The following ATRNL1 variants were observed in gnomAD, a reference collection of about 807,000 sequenced individuals.
The protein encoded by ATRNL1 is attractin like 1.
In ATRNL1, 95 loss-of-function variants were observed where a neutral mutation model predicts 182.7. The ratio of observed to expected loss-of-function variants is 0.52; its 90% CI spans 0.44 to 0.62. The LOEUF (loss-of-function observed/expected upper bound fraction) is 0.62, where lower values mean the gene tolerates loss of function less well. Ranked by LOEUF, ATRNL1 falls within the 20% of genes least tolerant of loss-of-function variation. The pLI is 0.00. For synonymous variants in ATRNL1, 576 were observed against 568.3 expected (o/e 1.01, Z -0.19); for missense variants, 1,471 against 1,679.5 (o/e 0.88, Z 2.17).
At chr10:115,880,770 G>A (rs913711244) in intron 28 of ATRNL1, among the ~76,000 whole-genome samples, 2 of 152,198 alleles carry the variant, frequency 1.3e-5, no homozygotes, top group African/African-American at 4.8e-5. Flanking sequence ...AGTCTTTTGT[G>A]CATGTACGAG....
intron 27 of ATRNL1, among the ~76,000 whole-genome samples, chr10:115,749,635 C>T (rs1040243938): frequency 6.6e-6 from 1 of 151,806 alleles, no homozygotes; most frequent in Non-Finnish European, 1.5e-5. Flanking sequence ...AGCTCTCATG[C>T]ATTCTTTTTG....
At position 115,884,677 on chromosome 10, in the gene ATRNL1, G is replaced by A. The variant is rs559555189; in HGVS notation, c.4018+36686G>A. Among the ~76,000 whole-genome samples the A allele has an allele frequency of 1.2e-4, 19 of 152,276 alleles. No homozygotes were observed. In the South Asian group the frequency reaches 2.9e-3, roughly 23 times the overall value. ...CATATTTAAATGCAAAAAAACTGCC[G>A]AAGAGAGGTTCTATTTGATGGACTT... is the stretch of plus-strand genomic sequence containing the variant. On this transcript the variant is annotated intron_variant, in intron 28 of 28. Coordinates refer to ENST00000355044, the MANE Select transcript of ATRNL1 (RefSeq NM_207303.4).
intron 27 of ATRNL1, among the ~76,000 whole-genome samples, chr10:115,746,212 A>G (rs1948287912): frequency 6.6e-6 from 1 of 152,128 alleles, no homozygotes; most frequent in South Asian, 2.1e-4. Flanking sequence ...AGCAAATCCC[A>G]GGCATCAAAG....
At chr10:115,369,491 A>C (rs1013930128) in intron 19 of ATRNL1, among the ~76,000 whole-genome samples, 2 of 152,086 alleles carry the variant, frequency 1.3e-5, no homozygotes, top group Non-Finnish European at 2.9e-5. Flanking sequence ...ATTTAAGTTG[A>C]TTTTGTATCT....
At chr10:115,466,537 A>C (rs1332261921) in intron 22 of ATRNL1, among the ~76,000 whole-genome samples, 1 of 151,170 alleles carries the variant, frequency 6.6e-6, no homozygotes. Flanking sequence ...ATTTCCCTGA[A>C]ATTAAATGTA....
At chr10:115,922,566 A>G (rs1953098230) in intron 28 of ATRNL1, among the ~76,000 whole-genome samples, 1 of 152,102 alleles carries the variant, frequency 6.6e-6, no homozygotes, top group East Asian at 1.9e-4. Flanking sequence ...TCTGGGCTCA[A>G]GTGATCCTCT....
In ATRNL1 at chr10:115,519,340, G is replaced by C; in HGVS notation, c.3716+16G>C. On this transcript the variant is annotated intron_variant, in intron 25 of 28. Coordinates refer to ENST00000355044, the MANE Select transcript of ATRNL1 (RefSeq NM_207303.4). ...CCTTCTTCAGGTAAAAGTTTGCTTT[G>C]ACTGACTTTGAACTTTTCAAGCCTG... The C allele has an allele frequency of 6.2e-7, 1 of 1,604,506 alleles. No individual in the cohort carries two copies. Among genetic ancestry groups the C allele is most frequent in the African/African-American group, 1.3e-5 (1 of 74,662 alleles).
chr10:115,698,431 G>T (rs1459991782), intron 26 of ATRNL1, among the ~76,000 whole-genome samples: 5 of 152,072 alleles, frequency 3.3e-5, no homozygotes, highest in African/African-American at 1.2e-4. Flanking sequence ...TTAACATGTG[G>T]CATACTGATA....
intron 28 of ATRNL1, among the ~76,000 whole-genome samples, chr10:115,899,930 T>G (rs1314409154): frequency 1.3e-5 from 2 of 152,180 alleles, no homozygotes; most frequent in African/African-American, 2.4e-5. Flanking sequence ...TCATAAAAAC[T>G]TGATTATAGA....
At chr10:115,695,127 TAAAAGAAAAGAAAA>T (rs1304892685) in intron 26 of ATRNL1, among the ~76,000 whole-genome samples, 1 of 151,988 alleles carries the variant, frequency 6.6e-6, no homozygotes. Context: ...ACACATTTTT[TAAAAGAAAAGAAAA>T]AAAAGAAAAA....
At chr10:115,383,929 T>C (rs1858180163) in intron 19 of ATRNL1, among the ~76,000 whole-genome samples, 1 of 152,020 alleles carries the variant, frequency 6.6e-6, no homozygotes, top group African/African-American at 2.4e-5. Flanking sequence ...TTTAAGTAAT[T>C]GCACTTGAGC....
chr10:115,827,788 C>T (rs914404952), intron 27 of ATRNL1, among the ~76,000 whole-genome samples: 9 of 152,130 alleles, frequency 5.9e-5, no homozygotes, highest in African/African-American at 2.2e-4. Flanking sequence ...CACAAGGGAG[C>T]TTTCCTGGAC....
intron 13 of ATRNL1, among the ~76,000 whole-genome samples, chr10:115,278,062 A>T (rs1852183955): frequency 6.6e-6 from 1 of 152,100 alleles, no homozygotes; most frequent in African/African-American, 2.4e-5. Flanking sequence ...TTTACCTTTT[A>T]CTACTTTTCA....
At position 115,674,302 on chromosome 10, in the gene ATRNL1, C is replaced by T. The variant is rs548352820; in HGVS notation, c.3796-52946C>T. 1.6e-3 allele frequency among the ~76,000 whole-genome samples: 240 copies of T among 152,040 alleles called. 1 individual carries two copies. Among genetic ancestry groups the T allele is most frequent in the Non-Finnish European group, 2.1e-3 (144 of 67,950 alleles). ...TGAATAAACATGACATTTCTGATGTCGGAGCTTTAGATAGCCTAGATCCTT... is the reference window on the plus strand; with the variant it reads ...TGAATAAACATGACATTTCTGATGTTGGAGCTTTAGATAGCCTAGATCCTT... On this transcript the variant is annotated intron_variant, in intron 26 of 28. Coordinates refer to ENST00000355044, the MANE Select transcript of ATRNL1 (RefSeq NM_207303.4).
chr10:115,528,519 T>C (rs1026082109), intron 25 of ATRNL1, among the ~76,000 whole-genome samples: 3 of 143,868 alleles, frequency 2.1e-5, no homozygotes, highest in Non-Finnish European at 4.8e-5. Flanking sequence ...CTTTCTCTTT[T>C]CTTTTTTTTT....
intron 28 of ATRNL1, among the ~76,000 whole-genome samples, chr10:115,922,383 A>G (rs1953092204): frequency 6.6e-6 from 1 of 152,218 alleles, no homozygotes; most frequent in African/African-American, 2.4e-5. Context: ...TTAAGATAAA[A>G]TAATAAAATC....
intron 26 of ATRNL1, among the ~76,000 whole-genome samples, chr10:115,680,557 GT>G (rs1423049797): frequency 1.3e-5 from 2 of 152,142 alleles, no homozygotes; most frequent in Non-Finnish European, 2.9e-5. Flanking sequence ...AGTATATGCA[GT>G]TATGAAAAGT....
chr10:115,748,713 CATA>C (rs1948362988), intron 27 of ATRNL1, among the ~76,000 whole-genome samples: 1 of 151,792 alleles, frequency 6.6e-6, no homozygotes, highest in South Asian at 2.1e-4. Flanking sequence ...TGTAGAATAC[CATA>C]ATGTTTGTGC....
chr10:115,541,396 G>C (rs147934482), intron 25 of ATRNL1, among the ~76,000 whole-genome samples: 15 of 152,214 alleles, frequency 9.9e-5, no homozygotes, highest in African/African-American at 3.4e-4. Context: ...AAAAGAAAAA[G>C]ACAAATAATA....
Sources: allele counts gnomAD v4.1 joint callset (sites outside exome capture counted in the v4.1 genomes callset), GRCh38; gene constraint gnomAD v4.1.1; transcripts MANE v1.5; gene names NCBI Gene and HGNC (gene_info 2026-07-23, HGNC 2026-07-21).